The following ADK variants were observed in gnomAD, a reference collection of about 807,000 sequenced individuals.
ADK encodes the protein adenosine kinase.
Under a neutral mutation model 44.7 loss-of-function variants are expected in ADK, and 24 were observed. The observed-to-expected ratio is 0.54, with a 90% CI of 0.39 to 0.76. The LOEUF is 0.76. Among genes scored for constraint, ADK ranks in the 30% least tolerant of loss-of-function variants. ADK has a pLI of 0.00. For missense variants in ADK, 321 were observed against 425.1 expected, an observed-to-expected ratio of 0.76 and a Z score of 2.15; for synonymous variants, 128 against 142.6, an observed-to-expected ratio of 0.90 and a Z score of 0.73.
intron 10 of ADK, among the ~76,000 whole-genome samples, chr10:74,696,912 G>C (rs7079709): frequency 6.6e-6 from 1 of 151,882 alleles, no homozygotes; most frequent in Admixed American, 6.6e-5. Flanking sequence ...AGGTATTGCT[G>C]TCTATTCACA....
rs200027642 is a variant in ADK at position 74,394,132 on chromosome 10, G to T, written c.274-9G>T. On this transcript the variant is annotated splice_polypyrimidine_tract_variant and intron_variant, in intron 4 of 10. Coordinates refer to ENST00000539909, the MANE Select transcript of ADK (RefSeq NM_006721.4). ...GCCCCATTAAATTATTTATGTTCCT[G>T]TTTTACAGTGGATGATTCAACAGCC... 148 of 1,613,804 alleles carry T rather than the reference G, an allele frequency of 9.2e-5. No homozygotes were observed. The African/African-American group carries it at 1.8e-3, about 20-fold the overall frequency.
intron 2 of ADK, among the ~76,000 whole-genome samples, chr10:74,210,330 G>GAAAAAAA (rs57852507): frequency 1.6e-4 from 14 of 84,858 alleles, no homozygotes; most frequent in South Asian, 4.8e-4. Flanking sequence ...TCCATCTCAG[G>GAAAAAAA]AAAAAAAAAA....
chr10:74,690,313 G>C (rs1855943353), intron 10 of ADK, among the ~76,000 whole-genome samples: 1 of 152,158 alleles, frequency 6.6e-6, no homozygotes, highest in Non-Finnish European at 1.5e-5. Flanking sequence ...TGGGAAACAT[G>C]GGGAAACCCC....
intron 1 of ADK, among the ~76,000 whole-genome samples, chr10:74,168,057 A>T (rs1424409878): frequency 6.6e-6 from 1 of 152,166 alleles, no homozygotes; most frequent in African/African-American, 2.4e-5. Context: ...TGCTGGTTTT[A>T]ATTCTTTGAA....
chr10:74,428,234 G>C (rs1844868426), intron 6 of ADK, among the ~76,000 whole-genome samples: 1 of 152,166 alleles, frequency 6.6e-6, no homozygotes. Context: ...GTTAGTACCT[G>C]ATTATGACTT....
chr10:74,289,497 TA>T (rs564785348), intron 3 of ADK, among the ~76,000 whole-genome samples: 17 of 151,850 alleles, frequency 1.1e-4, no homozygotes, highest in African/African-American at 3.9e-4. Context: ...CTAAAACACT[TA>T]AAAAAAATGT....
chr10:74,303,556 A>G (rs1840132349), intron 3 of ADK, among the ~76,000 whole-genome samples: 1 of 110,314 alleles, frequency 9.1e-6, no homozygotes, highest in African/African-American at 4.5e-5. Context: ...TATCTCCAGT[A>G]TCTAAACACT....
At chr10:74,173,939 A>T (rs1360159645) in intron 1 of ADK, among the ~76,000 whole-genome samples, 2 of 152,100 alleles carry the variant, frequency 1.3e-5, no homozygotes, top group African/African-American at 4.8e-5. Context: ...TACTATAGTT[A>T]ATTAAATTTT....
intron 6 of ADK, among the ~76,000 whole-genome samples, chr10:74,517,405 T>C (rs983311021): frequency 6.6e-6 from 1 of 152,036 alleles, no homozygotes; most frequent in Non-Finnish European, 1.5e-5. Flanking sequence ...CAGATTAAAA[T>C]GAGCTGGGTG....
At chr10:74,277,431 C>G (rs1000392037) in intron 3 of ADK, among the ~76,000 whole-genome samples, 12 of 151,378 alleles carry the variant, frequency 7.9e-5, no homozygotes, top group African/African-American at 2.7e-4. Context: ...AGTTCTCACT[C>G]TGTCGCCCAG....
At chr10:74,438,354 AGCTG>A (rs1845260699) in intron 6 of ADK, among the ~76,000 whole-genome samples, 1 of 150,730 alleles carries the variant, frequency 6.6e-6, no homozygotes. Flanking sequence ...CCTCCCAAGT[AGCTG>A]GGATTACAGG....
chr10:74,384,984 A>G (rs980180235), intron 4 of ADK, among the ~76,000 whole-genome samples: 2 of 152,188 alleles, frequency 1.3e-5, no homozygotes, highest in Non-Finnish European at 2.9e-5. Flanking sequence ...AAAGGCAGGG[A>G]GATGATCTAA....
intron 6 of ADK, among the ~76,000 whole-genome samples, chr10:74,521,256 T>C (rs1166504504): frequency 6.6e-6 from 1 of 152,192 alleles, no homozygotes; most frequent in Non-Finnish European, 1.5e-5. Flanking sequence ...AAATAGAATT[T>C]AAATAGTGAA....
intron 8 of ADK, among the ~76,000 whole-genome samples, chr10:74,594,374 C>A (rs886129157): frequency 7.1e-6 from 1 of 140,832 alleles, no homozygotes; most frequent in African/African-American, 3.1e-5. Flanking sequence ...ACTAGTAATT[C>A]AAATGAAGTG....
chr10:74,393,527 T>C (rs1843410331), intron 4 of ADK, among the ~76,000 whole-genome samples: 1 of 152,200 alleles, frequency 6.6e-6, no homozygotes, highest in Admixed American at 6.5e-5. Flanking sequence ...ATATATGAAT[T>C]ACTACAATAA....
intron 3 of ADK, among the ~76,000 whole-genome samples, chr10:74,261,112 C>T (rs564711479): frequency 8.5e-4 from 130 of 152,170 alleles, no homozygotes; most frequent in Non-Finnish European, 1.6e-3. Context: ...AGTCTATAAT[C>T]GTTATTTATA....
At chr10:74,343,166 T>C (rs1841642570) in intron 4 of ADK, among the ~76,000 whole-genome samples, 1 of 152,154 alleles carries the variant, frequency 6.6e-6, no homozygotes, top group Admixed American at 6.5e-5. Context: ...TATTTCTGTT[T>C]TTTTTTAGCG....
intron 3 of ADK, among the ~76,000 whole-genome samples, chr10:74,287,119 C>T (rs1847195593): frequency 6.6e-6 from 1 of 152,056 alleles, no homozygotes; most frequent in South Asian, 2.1e-4. Context: ...TTCAAGATAG[C>T]AATACAAGAA....
chr10:74,397,283 C>T (rs1239737853), intron 5 of ADK, among the ~76,000 whole-genome samples: 1 of 150,252 alleles, frequency 6.7e-6, no homozygotes, highest in Admixed American at 6.6e-5. Context: ...AGTGGAAATA[C>T]GTTTTGGAAG....
Sources: allele counts gnomAD v4.1 joint callset (sites outside exome capture counted in the v4.1 genomes callset), GRCh38; gene constraint gnomAD v4.1.1; transcripts MANE v1.5; gene names NCBI Gene and HGNC (gene_info 2026-07-23, HGNC 2026-07-21).